The following IL1RAPL2 variants were observed in gnomAD, a reference collection of about 807,000 sequenced individuals.
The protein encoded by IL1RAPL2 is interleukin 1 receptor accessory protein like 2.
Under a neutral mutation model 44.1 loss-of-function variants are expected in IL1RAPL2, and 3 were observed. The observed-to-expected ratio is 0.07, with a 90% CI of 0.03 to 0.18. The LOEUF (loss-of-function observed/expected upper bound fraction) is 0.18, where lower values mean the gene tolerates loss of function less well. Ranked by LOEUF, IL1RAPL2 falls within the 10% of genes least tolerant of loss-of-function variation. The pLI, the probability that IL1RAPL2 is intolerant of heterozygous loss-of-function variation, is 1.00. For missense variants in IL1RAPL2, 391 were observed against 496.4 expected (o/e 0.79, Z 2.02); for synonymous variants, 181 against 178.8 (o/e 1.01, Z -0.10).
At chrX:105,489,693 TCTTTC>T (rs1451417655) in intron 6 of IL1RAPL2, among the ~76,000 whole-genome samples, 3 of 108,733 alleles carry the variant, frequency 2.8e-5, no homozygotes, top group Non-Finnish European at 3.8e-5. Flanking sequence ...TTTCTTTCTT[TCTTTC>T]TTTTTCTTTC....
intron 8 of IL1RAPL2, among the ~76,000 whole-genome samples, chrX:105,745,445 A>G (rs764501772): frequency 8.9e-6 from 1 of 111,902 alleles, no homozygotes; most frequent in East Asian, 2.8e-4. Flanking sequence ...ACTGGATAGT[A>G]TATAAACAAC....
At chrX:105,280,179 A>T (rs996773460) in intron 5 of IL1RAPL2, among the ~76,000 whole-genome samples, 1 of 112,167 alleles carries the variant, frequency 8.9e-6, no homozygotes, top group Non-Finnish European at 1.9e-5. Flanking sequence ...GCAATGGGGA[A>T]AAGATTCCCT....
At chrX:105,736,666 C>G (rs1220292582) in intron 7 of IL1RAPL2, among the ~76,000 whole-genome samples, 2 of 111,434 alleles carry the variant, frequency 1.8e-5, no homozygotes, top group Non-Finnish European at 3.8e-5. Flanking sequence ...AAAACCACAA[C>G]AAGATACCAT....
chrX:105,014,521 G>A (rs2031131526), intron 2 of IL1RAPL2, among the ~76,000 whole-genome samples: 1 of 111,063 alleles, frequency 9.0e-6, no homozygotes, highest in Admixed American at 9.6e-5. Flanking sequence ...GTGTCCATGT[G>A]TTCTCATTGT....
intron 6 of IL1RAPL2, among the ~76,000 whole-genome samples, chrX:105,653,946 T>C (rs1218417936): frequency 9.1e-6 from 1 of 110,420 alleles, no homozygotes; most frequent in East Asian, 2.9e-4. Flanking sequence ...AGTGTGGTTG[T>C]GTGTGTGTGT....
Position 105,425,624 on chromosome X carries a change from A to T in IL1RAPL2, c.698-58689A>T, listed in dbSNP as rs778801969. Reference sequence around the variant, plus strand: ...TTTTTTTCCTTTGCTGATTCGTGTAAGCAAACCCATTATCTGAACAAAGGG... The same window carrying T: ...TTTTTTTCCTTTGCTGATTCGTGTATGCAAACCCATTATCTGAACAAAGGG... On this transcript the variant is annotated intron_variant, in intron 5 of 10. Transcript: ENST00000372582. Among the ~76,000 whole-genome samples the T allele has an allele frequency of 8.2e-5, 9 of 109,730 alleles. No individual in the cohort carries two copies. The East Asian group carries it at 2.3e-3, about 28-fold the overall frequency.
chrX:104,965,098 G>T (rs1175665038), intron 2 of IL1RAPL2, among the ~76,000 whole-genome samples: 1 of 111,808 alleles, frequency 8.9e-6, no homozygotes. Flanking sequence ...AGTTGCCCTG[G>T]GAATATTTTT....
At position 105,220,151 on chromosome X, in the gene IL1RAPL2, C is replaced by T. The variant is rs372241672; in HGVS notation, c.357-13667C>T. 43 of 1,210,399 alleles carry T rather than the reference C, an allele frequency of 3.6e-5. No individual in the cohort carries two copies. The African/African-American group carries it at 7.0e-4, about 20-fold the overall frequency. The stretch of plus-strand genomic sequence containing the variant: ...CGCACCCTGTGCCTTTGTAGCTGTG[C>T]CTGCCTGTGGGCAAAGCGCACTCCC... On this transcript the variant is annotated intron_variant, in intron 3 of 10. Transcript: ENST00000372582.
intron 6 of IL1RAPL2, among the ~76,000 whole-genome samples, chrX:105,516,713 A>G (rs1423189941): frequency 8.9e-6 from 1 of 112,126 alleles, no homozygotes; most frequent in African/African-American, 3.2e-5. Context: ...ACTTTGAAAC[A>G]ATCATTCCTA....
At chrX:105,260,032 G>A (rs182748135) in intron 4 of IL1RAPL2, among the ~76,000 whole-genome samples, 159 of 112,450 alleles carry the variant, frequency 1.4e-3, no homozygotes, top group Non-Finnish European at 2.5e-3. Flanking sequence ...CTTCATCCCC[G>A]GGAGATATGG....
intron 2 of IL1RAPL2, among the ~76,000 whole-genome samples, chrX:104,951,881 T>A (rs1366884055): frequency 8.9e-6 from 1 of 112,289 alleles, no homozygotes; most frequent in East Asian, 2.8e-4. Flanking sequence ...AGACTCTATA[T>A]GCTGGTTATA....
intron 2 of IL1RAPL2, among the ~76,000 whole-genome samples, chrX:104,713,296 A>G (rs1262614611): frequency 9.0e-6 from 1 of 110,583 alleles, no homozygotes; most frequent in Non-Finnish European, 1.9e-5. Context: ...ACTTCTGTCA[A>G]TATTTCTCCA....
At chrX:104,728,679 C>G (rs58882988) in intron 2 of IL1RAPL2, among the ~76,000 whole-genome samples, 383 of 111,074 alleles carry the variant, frequency 3.4e-3, no homozygotes, top group African/African-American at 0.012. Flanking sequence ...TGGAGATAAG[C>G]TGCCACATAC....
chrX:104,602,196 G>A (rs756037235), intron 1 of IL1RAPL2, among the ~76,000 whole-genome samples: 2 of 111,350 alleles, frequency 1.8e-5, no homozygotes, highest in East Asian at 5.8e-4. Flanking sequence ...GCCGAAGCAG[G>A]GTGAGGCGTT....
chrX:105,090,158 T>C (rs1481274763), intron 2 of IL1RAPL2, among the ~76,000 whole-genome samples: 2 of 111,186 alleles, frequency 1.8e-5, no homozygotes, highest in Admixed American at 9.6e-5. Flanking sequence ...CTTGACAAGA[T>C]GCAGGCCAGT....
At chrX:105,483,984 A>G (rs1055198233) in intron 5 of IL1RAPL2, among the ~76,000 whole-genome samples, 5 of 111,840 alleles carry the variant, frequency 4.5e-5, no homozygotes, top group Non-Finnish European at 9.4e-5. Flanking sequence ...ATGAGGATTT[A>G]CTATTTCTCA....
chrX:105,171,762 C>T (rs1166128067), intron 2 of IL1RAPL2, among the ~76,000 whole-genome samples: 1 of 110,554 alleles, frequency 9.0e-6, no homozygotes, highest in Middle Eastern at 4.2e-3. Context: ...TTATTAAACA[C>T]ACTCCCATTA....
intron 6 of IL1RAPL2, among the ~76,000 whole-genome samples, chrX:105,577,331 T>C (rs757479746): frequency 3.6e-5 from 4 of 111,392 alleles, no homozygotes; most frequent in African/African-American, 1.3e-4. Flanking sequence ...TGTAAAAGGA[T>C]TGAACCAGAT....
intron 2 of IL1RAPL2, among the ~76,000 whole-genome samples, chrX:104,712,637 T>TA (rs1430691558): frequency 9.1e-6 from 1 of 109,903 alleles, no homozygotes; most frequent in East Asian, 2.9e-4. Context: ...GAGTAGGGAG[T>TA]AGACCAGTAA....
Sources: gnomAD v4.1 joint callset for allele counts (sites outside exome capture counted in the v4.1 genomes callset) on GRCh38, gnomAD v4.1.1 for gene constraint, MANE v1.5 for transcripts, NCBI Gene and HGNC (gene_info 2026-07-23, HGNC 2026-07-21) for gene names.